BORCS8: variants seen among roughly 807,000 people sequenced by gnomAD.
The protein encoded by BORCS8 is BLOC-1-related complex subunit 8.
BORCS8 carries 13 observed loss-of-function variants against 18.7 expected under a neutral mutation model. That is an observed-to-expected ratio of 0.70 (90% CI 0.45 to 1.11). BORCS8 has a LOEUF of 1.11. Among genes scored for constraint, BORCS8 ranks in the 50% least tolerant of loss-of-function variants. The probability of loss-of-function intolerance (pLI) is 0.00; values close to 1 mark genes in which losing one functional copy is unlikely to be tolerated. For synonymous variants in BORCS8, 68 were observed against 64.8 expected (o/e 1.05, Z -0.24); for missense variants, 165 against 165.7 (o/e 1.00, Z 0.02).
At chr19:19,181,618 A>G (rs1216971136) in intron 4 of BORCS8, among the ~76,000 whole-genome samples, 1 of 152,228 alleles carries the variant, frequency 6.6e-6, no homozygotes, top group Non-Finnish European at 1.5e-5. Context: ...ATGCCAACCC[A>G]TGGCAGAGAA....
At chr19:19,178,370 G>A (rs67239864) in intron 5 of BORCS8, 21,990 of 152,588 alleles carry the variant, frequency 0.14, 1,807 homozygotes, top group East Asian at 0.37. Context: ...TGGGGAGCAG[G>A]GGCAAGGGCC....
chr19:19,186,801 C>G, intron 2 of BORCS8, 92 bp downstream of exon 2: 1 of 877,240 alleles, frequency 1.1e-6, no homozygotes, highest in South Asian at 1.8e-5. Flanking sequence ...ACGCCTCTGA[C>G]CTGGCTTTGC....
intron 3 of BORCS8, among the ~76,000 whole-genome samples, chr19:19,183,151 G>C (rs979580130): frequency 2.0e-5 from 3 of 152,258 alleles, no homozygotes; most frequent in Non-Finnish European, 4.4e-5. Context: ...GATCATGCCT[G>C]TAATCCCAGC....
At chr19:19,189,898 A>C (rs1673029777) in intron 1 of BORCS8, among the ~76,000 whole-genome samples, 1 of 151,332 alleles carries the variant, frequency 6.6e-6, no homozygotes, top group South Asian at 2.1e-4. Flanking sequence ...GTCTGGGCAA[A>C]AGAGTGAGAC....
Position 19,177,445 on chromosome 19 carries a change from T to C in BORCS8, c.*58A>G, listed in dbSNP as rs1035466453. On this transcript the variant is annotated 3_prime_UTR_variant, in exon 6 of 6. Coordinates refer to ENST00000462790, the MANE Select transcript of BORCS8 (RefSeq NM_001145784.2). ...GAGTTTGAGACCAGCCTAGCCAACA[T>C]GGTGAAACCCCGTCTCTACAAAAAA... 6.6e-6 allele frequency: 1 copy of C among 152,210 alleles called. No individual in the cohort carries two copies. The highest frequency in any genetic ancestry group is 6.6e-5 in the Admixed American group (1 of 15,170). 9.4% of individuals were successfully genotyped at this position (152,210 alleles called of 1,614,324 possible).
At chr19:19,188,956 T>A (rs927227095) in intron 1 of BORCS8, among the ~76,000 whole-genome samples, 1 of 152,046 alleles carries the variant, frequency 6.6e-6, no homozygotes, top group African/African-American at 2.4e-5. Flanking sequence ...TGCCTCAGCC[T>A]CCCGAGTAGC....
At chr19:19,187,781 C>G (rs922242307) in intron 1 of BORCS8, among the ~76,000 whole-genome samples, 1 of 151,818 alleles carries the variant, frequency 6.6e-6, no homozygotes, top group East Asian at 2.0e-4. Context: ...TCGTGATCCG[C>G]TCACCATGGC....
intron 3 of BORCS8, among the ~76,000 whole-genome samples, chr19:19,184,278 T>C (rs1599755799): frequency 6.6e-6 from 1 of 150,870 alleles, no homozygotes; most frequent in Non-Finnish European, 1.5e-5. Flanking sequence ...AAAGCATAGG[T>C]TTTTTGTTGG....
chr19:19,188,798 T>C (rs1255823215), intron 1 of BORCS8, among the ~76,000 whole-genome samples: 1 of 151,970 alleles, frequency 6.6e-6, no homozygotes, highest in Non-Finnish European at 1.5e-5. Context: ...CCCTGCCCTG[T>C]TTCCCCTTCT....
At chr19:19,189,732 A>G (rs1407253017) in intron 1 of BORCS8, among the ~76,000 whole-genome samples, 1 of 152,158 alleles carries the variant, frequency 6.6e-6, no homozygotes, top group Admixed American at 6.6e-5. Context: ...CCTGGGAGAC[A>G]TGGCGAAACC....
Position 19,186,195 on chromosome 19 carries a change from T to C in BORCS8, c.151-97A>G, listed in dbSNP as rs531874289. On this transcript the variant is annotated intron_variant, in intron 2 of 5. Transcript: ENST00000462790. ...TGGTTGGGGCTCTCCTGAGTCCTCA[T>C]GGTGGAAGCAGAGACCTTTCCTCCT... 10 of 1,174,158 alleles carry C rather than the reference T, an allele frequency of 8.5e-6. No homozygotes were observed. In the African/African-American group the frequency reaches 9.1e-5, roughly 11 times the overall value. 72.7% of individuals were successfully genotyped at this position (1,174,158 alleles called of 1,614,324 possible).
chr19:19,178,999 G>A (rs1392107619), intron 5 of BORCS8: 1 of 152,218 alleles, frequency 6.6e-6, no homozygotes, highest in African/African-American at 2.4e-5. Context: ...CCTCTGAGAT[G>A]CGGCATGAGG....
chr19:19,183,244 C>G (rs144209252), intron 3 of BORCS8, among the ~76,000 whole-genome samples: 225 of 152,112 alleles, frequency 1.5e-3, no homozygotes, highest in African/African-American at 5.1e-3. Flanking sequence ...TCTGTCTCTA[C>G]TAAAAATACA....
Position 19,188,320 on chromosome 19 carries a change from G to A in BORCS8, c.38-1315C>T, listed in dbSNP as rs141468450. On this transcript the variant is annotated intron_variant, in intron 1 of 5. Coordinates refer to ENST00000462790, the MANE Select transcript of BORCS8 (RefSeq NM_001145784.2). ...TGGGATTACAGGCATGAGCCACCGC[G>A]CCCGGCTCATTTTTTAAAATAGAGA... Among the ~76,000 whole-genome samples the A allele has an allele frequency of 3.8e-3, 578 of 152,114 alleles. 4 individuals are homozygous for A. Among genetic ancestry groups the A allele is most frequent in the African/African-American group, 0.013 (540 of 41,490 alleles).
intron 1 of BORCS8, among the ~76,000 whole-genome samples, chr19:19,191,320 C>CAA (rs35108076): frequency 3.6e-4 from 49 of 137,560 alleles, no homozygotes; most frequent in Middle Eastern, 3.8e-3. Context: ...GAGACTCCGT[C>CAA]AAAAAAAAAA....
In BORCS8 at chr19:19,186,919, A is replaced by G. The variant is rs1217995871; in HGVS notation, c.124T>C (p.Ser42Pro). The G allele has an allele frequency of 6.5e-7, 1 of 1,550,358 alleles. No individual in the cohort carries two copies. The highest frequency in any genetic ancestry group is 1.2e-5 in the South Asian group (1 of 83,996). ...LYRLQEHVRR[S>P]LPELAQHKAD... ...TTGTGCTGGGCCAGCTCGGGGAGGG[A>G]GCGACGCACATGCTCCTGCAGCCGG... is the stretch of plus-strand genomic sequence containing the variant. Residue 42 changes from serine (S) to proline (P), a missense_variant, in exon 2 of 6, where the codon TCC becomes CCC. Ser to Pro is a moderately conservative substitution (Grantham distance 74). Coordinates refer to ENST00000462790, the MANE Select transcript of BORCS8 (RefSeq NM_001145784.2).
intron 4 of BORCS8, among the ~76,000 whole-genome samples, chr19:19,181,341 A>G (rs1032845498): frequency 1.3e-5 from 2 of 151,628 alleles, no homozygotes; most frequent in African/African-American, 4.8e-5. Flanking sequence ...CTCTATTTAA[A>G]GAAATATATA....
At chr19:19,189,120 C>A (rs1021954452) in intron 1 of BORCS8, among the ~76,000 whole-genome samples, 15 of 152,146 alleles carry the variant, frequency 9.9e-5, no homozygotes, top group Admixed American at 9.8e-4. Flanking sequence ...CAGGAGTGAG[C>A]CACCGCCCGG....
rs1435499946 is a variant in BORCS8, at chr19:19,182,743, C to T, written c.216-60G>A. On this transcript the variant is annotated intron_variant, in intron 3 of 5. Transcript: ENST00000462790. This position sits in a 1 kb window ranked among gnomAD's most constrained non-coding sequence, Gnocchi z 4.1. ...GACCTGCAGGTAACTGTCCCACACC[C>T]CAGCACTTGAGGTCACCACCAGGGC... The T allele has an allele frequency of 3.3e-6, 5 of 1,494,088 alleles. No homozygotes were observed. Among genetic ancestry groups the T allele is most frequent in the Non-Finnish European group, 4.5e-6 (5 of 1,116,766 alleles). The allele number at this position is 1,494,088 out of a possible 1,614,324, so 92.6% of individuals were successfully genotyped here. A position where few individuals can be genotyped will look rare whatever the true frequency, so the allele number is the denominator to read the frequency against.
Sources: allele counts gnomAD v4.1 joint callset (sites outside exome capture counted in the v4.1 genomes callset), GRCh38; gene constraint gnomAD v4.1.1; non-coding constraint Gnocchi (gnomAD v3.1); transcripts MANE v1.5; gene names NCBI Gene and HGNC (gene_info 2026-07-23, HGNC 2026-07-21).